PJA2: variants seen among roughly 807,000 people sequenced by gnomAD.
The protein encoded by PJA2 is praja ring finger ubiquitin ligase 2.
A neutral mutation model predicts 69.3 loss-of-function variants in PJA2; 25 were observed. The observed-to-expected ratio is 0.36, with a 90% CI of 0.26 to 0.50. PJA2 has a LOEUF of 0.50. PJA2 is among the 20% of genes least tolerant of loss of function. The pLI, the probability that PJA2 is intolerant of heterozygous loss-of-function variation, is 0.96. For synonymous variants in PJA2, 308 were observed against 277.8 expected (o/e 1.11, Z -1.08); for missense variants, 809 against 830.2 (o/e 0.97, Z 0.31).
At chr5:109,350,489 C>T (rs896474738) in intron 7 of PJA2, among the ~76,000 whole-genome samples, 7 of 152,020 alleles carry the variant, frequency 4.6e-5, no homozygotes, top group Admixed American at 2.6e-4. Flanking sequence ...ATAGTAATAC[C>T]GATTCTGAAT....
At chr5:109,340,865 C>T (rs1197542274) in intron 9 of PJA2, among the ~76,000 whole-genome samples, 7 of 100,686 alleles carry the variant, frequency 7.0e-5, no homozygotes, top group Middle Eastern at 5.5e-3. Context: ...CGGTCTCCAG[C>T]CCCTAACCGC....
Position 109,378,512 on chromosome 5 carries a change from G to T in PJA2, c.975C>A (p.Ser325Arg). The change falls in exon 4 of 10, where the codon AGC (serine) becomes AGA (arginine). Residue 325 changes from serine to arginine, a missense_variant. Coordinates refer to ENST00000361189, the MANE Select transcript of PJA2 (RefSeq NM_014819.5). ...TAAAACCTGTTTCTTGGTCCACCTG[G>T]CTTGAACTTATCAGTTTTCTAACTT... is the stretch of plus-strand genomic sequence containing the variant. The part of the protein sequence containing the change: ...RPKVRKLISS[S>R]QVDQETGFNR... The T allele has an allele frequency of 6.2e-7, 1 of 1,614,056 alleles. No homozygotes were observed. Among genetic ancestry groups the T allele is most frequent in the East Asian group, 2.2e-5 (1 of 44,882 alleles).
chr5:109,354,369 A>T (rs1313001119), intron 7 of PJA2, among the ~76,000 whole-genome samples: 9 of 139,402 alleles, frequency 6.5e-5, no homozygotes, highest in African/African-American at 2.5e-4. Context: ...ATATCTAGAG[A>T]TATCTATAGA....
Position 109,344,692 on chromosome 5 carries a change from A to C in PJA2, c.1879+13T>G. The C allele has an allele frequency of 6.5e-7, 1 of 1,545,668 alleles. No individual in the cohort carries two copies. The highest frequency in any genetic ancestry group is 1.1e-5 in the South Asian group (1 of 88,806). Reference sequence around the variant, plus strand: ...ATGTGTTCTTCAACATTTGAGATCAACTTTGCCCTTACCAGTGTGATCTTC... The same window carrying C: ...ATGTGTTCTTCAACATTTGAGATCACCTTTGCCCTTACCAGTGTGATCTTC... On this transcript the variant is annotated intron_variant, in intron 8 of 9. Coordinates refer to ENST00000361189, the MANE Select transcript of PJA2 (RefSeq NM_014819.5).
At chr5:109,349,214 CATTT>C (rs1188812175) in intron 7 of PJA2, among the ~76,000 whole-genome samples, 1 of 152,150 alleles carries the variant, frequency 6.6e-6, no homozygotes, top group Non-Finnish European at 1.5e-5. Flanking sequence ...TGGAATGTTC[CATTT>C]ATGGAATTAT....
At position 109,355,885 on chromosome 5, in the gene PJA2, T is replaced by G. The variant is rs1477637120; in HGVS notation, c.1764+30A>C. On this transcript the variant is annotated intron_variant, in intron 7 of 9. Transcript: ENST00000361189. The stretch of plus-strand genomic sequence containing the variant: ...TTTATCATTTTGTATCCCATCAACT[T>G]ATATATGGAGATCAGAGTTATGAAC... The G allele has an allele frequency of 2.0e-6, 3 of 1,468,962 alleles. No individual in the cohort carries two copies. The African/African-American group carries it at 4.2e-5, about 21-fold the overall frequency. 91.0% of individuals were successfully genotyped at this position (1,468,962 alleles called of 1,614,324 possible).
intron 1 of PJA2, among the ~76,000 whole-genome samples, chr5:109,405,696 G>A (rs979101113): frequency 3.9e-5 from 6 of 152,168 alleles, no homozygotes; most frequent in Non-Finnish European, 8.8e-5. Context: ...AAAAGAAAAT[G>A]AGCCTTGACC....
Position 109,409,580 on chromosome 5 carries a change from C to CG in PJA2, c.-88+261dup, listed in dbSNP as rs557809445. On this transcript the variant is annotated intron_variant, in intron 1 of 9. Transcript: ENST00000361189. ...CCCGATACCAACCAATGTCATCTGT[C>CG]GGGGGGCGGCGGGCGCGACCGTCCC... 3.8e-4 allele frequency among the ~76,000 whole-genome samples: 58 copies of CG among 152,160 alleles called. 2 individuals are homozygous for CG. In the South Asian group the frequency reaches 0.012, roughly 31 times the overall value.
chr5:109,406,169 T>C (rs1747688671), intron 1 of PJA2, among the ~76,000 whole-genome samples: 1 of 150,932 alleles, frequency 6.6e-6, no homozygotes, highest in Admixed American at 6.7e-5. Context: ...TCAGCCGGAG[T>C]AGCTGGCACT....
chr5:109,383,924 TC>T, intron 1 of PJA2, among the ~76,000 whole-genome samples: 1 of 152,048 alleles, frequency 6.6e-6, no homozygotes, highest in Middle Eastern at 3.4e-3. Context: ...TGAGATCCCG[TC>T]CCAAAAATAA....
chr5:109,335,019 T>C lies in PJA2; in HGVS notation c.*2212A>G, dbSNP rs900221224. On this transcript the variant is annotated 3_prime_UTR_variant, in exon 10 of 10. Coordinates refer to ENST00000361189, the MANE Select transcript of PJA2 (RefSeq NM_014819.5). ...AATTAGGTTAAGTCACAACATAAAA[T>C]AGAGAAATAAGATAAATGCTATTTT... 3 of 152,578 alleles carry C rather than the reference T, an allele frequency of 2.0e-5. No homozygotes were observed. Among genetic ancestry groups the C allele is most frequent in the Non-Finnish European group, 4.4e-5 (3 of 68,018 alleles). 9.5% of individuals were successfully genotyped at this position (152,578 alleles called of 1,614,324 possible). A position where few individuals can be genotyped will look rare whatever the true frequency, so the allele number is the denominator to read the frequency against.
intron 7 of PJA2, among the ~76,000 whole-genome samples, chr5:109,353,975 T>C (rs1417476920): frequency 1.5e-5 from 2 of 137,878 alleles, no homozygotes; most frequent in African/African-American, 2.7e-5. Context: ...TCTAGAGATA[T>C]CTATAGATTA....
chr5:109,395,999 T>C, intron 1 of PJA2, among the ~76,000 whole-genome samples: 1 of 69,518 alleles, frequency 1.4e-5, no homozygotes. Flanking sequence ...AAACTCTATC[T>C]CAAAAAAAAA....
chr5:109,409,125 ATG>A (rs1747761761), intron 1 of PJA2: 1 of 152,096 alleles, frequency 6.6e-6, no homozygotes, highest in Non-Finnish European at 1.5e-5. Context: ...ACCATTTTGA[ATG>A]TGCGCAAAAT....
chr5:109,401,936 T>TA (rs1317318569), intron 1 of PJA2, among the ~76,000 whole-genome samples: 1 of 152,144 alleles, frequency 6.6e-6, no homozygotes, highest in Non-Finnish European at 1.5e-5. Flanking sequence ...TTGTAAAAGG[T>TA]AAAACAGTAA....
rs183304956 is a variant in PJA2 at position 109,345,429 on chromosome 5, A to T, written c.1765-610T>A. Among the ~76,000 whole-genome samples, 1,202 of 149,470 alleles carry T rather than the reference A, an allele frequency of 8.0e-3. 9 individuals are homozygous for T. Among genetic ancestry groups the T allele is most frequent in the Admixed American group, 0.015 (222 of 14,746 alleles). On this transcript the variant is annotated intron_variant, in intron 7 of 9. Coordinates refer to ENST00000361189, the MANE Select transcript of PJA2 (RefSeq NM_014819.5). The stretch of plus-strand genomic sequence containing the variant: ...CTACTGGGGAGACTGAGGCAGGAGA[A>T]TCGCTTGATCCTGGGAGGCAGAGGT...
chr5:109,403,772 A>G (rs1747616732), intron 1 of PJA2, among the ~76,000 whole-genome samples: 3 of 151,842 alleles, frequency 2.0e-5, no homozygotes, highest in African/African-American at 7.2e-5. Context: ...TTTAAAAAAA[A>G]AAAAAAAAAA....
At chr5:109,391,552 C>T (rs1360171507) in intron 1 of PJA2, among the ~76,000 whole-genome samples, 1 of 151,630 alleles carries the variant, frequency 6.6e-6, no homozygotes, top group East Asian at 1.9e-4. Context: ...TCCACAGTTT[C>T]CATTAAGAAG....
intron 4 of PJA2, among the ~76,000 whole-genome samples, chr5:109,376,293 T>C (rs774980364): frequency 2.0e-5 from 3 of 149,512 alleles, no homozygotes; most frequent in Non-Finnish European, 4.4e-5. Flanking sequence ...GTTCAGAATA[T>C]TGACATCACT....
Sources: gnomAD v4.1 joint callset for allele counts (sites outside exome capture counted in the v4.1 genomes callset) on GRCh38, gnomAD v4.1.1 for gene constraint, MANE v1.5 for transcripts, NCBI Gene and HGNC (gene_info 2026-07-23, HGNC 2026-07-21) for gene names.